ANO6: variants seen among roughly 807,000 people sequenced by gnomAD.
The protein encoded by ANO6 is anoctamin-6.
Under a neutral mutation model 117.5 loss-of-function variants are expected in ANO6, and 106 were observed. The ratio of observed to expected loss-of-function variants is 0.90; its 90% CI spans 0.77 to 1.06. The LOEUF is 1.06. Among genes scored for constraint, ANO6 ranks in the 50% least tolerant of loss-of-function variants. The pLI is 0.00. For missense variants in ANO6, 955 were observed against 1,121.1 expected, an observed-to-expected ratio of 0.85 and a Z score of 2.12; for synonymous variants, 367 against 385.1, an observed-to-expected ratio of 0.95 and a Z score of 0.55.
At chr12:45,290,630 G>T (rs1309330630) in intron 1 of ANO6, among the ~76,000 whole-genome samples, 7 of 152,148 alleles carry the variant, frequency 4.6e-5, no homozygotes, top group African/African-American at 1.7e-4. Context: ...AATTAATACT[G>T]TTTGCCATTT....
At chr12:45,311,672 A>T (rs186821388) in intron 2 of ANO6, among the ~76,000 whole-genome samples, 4 of 152,062 alleles carry the variant, frequency 2.6e-5, no homozygotes, top group Admixed American at 6.6e-5. Flanking sequence ...ATTTCAGTAG[A>T]AAGATTTTGT....
At chr12:45,346,563 C>T (rs1941137558) in intron 3 of ANO6, among the ~76,000 whole-genome samples, 1 of 152,130 alleles carries the variant, frequency 6.6e-6, no homozygotes, top group Non-Finnish European at 1.5e-5. Flanking sequence ...AGGGATGACG[C>T]ATACACATCC....
chr12:45,338,982 G>A (rs1032807375), intron 3 of ANO6, among the ~76,000 whole-genome samples: 6 of 152,070 alleles, frequency 3.9e-5, no homozygotes, highest in African/African-American at 1.2e-4. Context: ...GAATGAAGAG[G>A]CTGTCATTTA....
At chr12:45,315,449 G>C (rs947219637) in intron 2 of ANO6, among the ~76,000 whole-genome samples, 1 of 151,828 alleles carries the variant, frequency 6.6e-6, no homozygotes, top group Admixed American at 6.6e-5. Flanking sequence ...AGGGAGAAGC[G>C]AATCAAAGAT....
chr12:45,296,488 G>T (rs551042730), intron 1 of ANO6, among the ~76,000 whole-genome samples: 1 of 152,008 alleles, frequency 6.6e-6, no homozygotes, highest in Non-Finnish European at 1.5e-5. Context: ...TTCTAATTGC[G>T]AATGCTATAT....
chr12:45,343,573 T>C (rs1941041651), intron 3 of ANO6, among the ~76,000 whole-genome samples: 1 of 152,202 alleles, frequency 6.6e-6, no homozygotes, highest in African/African-American at 2.4e-5. Flanking sequence ...TTTTCCCTAG[T>C]TTGCAACCAC....
At chr12:45,307,255 C>A (rs1403954889) in intron 2 of ANO6, among the ~76,000 whole-genome samples, 1 of 152,052 alleles carries the variant, frequency 6.6e-6, no homozygotes, top group African/African-American at 2.4e-5. Context: ...AGAGCAGGGG[C>A]AGAGAGACCT....
chr12:45,250,538 A>G (rs1217757040), intron 1 of ANO6, among the ~76,000 whole-genome samples: 1 of 151,988 alleles, frequency 6.6e-6, no homozygotes, highest in Non-Finnish European at 1.5e-5. Flanking sequence ...GAGTATAGGT[A>G]TATGCCACCA....
chr12:45,232,950 A>C (rs879885127), intron 1 of ANO6, among the ~76,000 whole-genome samples: 6 of 152,178 alleles, frequency 3.9e-5, no homozygotes, highest in Non-Finnish European at 8.8e-5. Context: ...GGAGGAAGAA[A>C]GAGAGGGAGC....
intron 1 of ANO6, chr12:45,293,075 TTGTG>T (rs1193359746): frequency 8.0e-7 from 1 of 1,249,826 alleles, no homozygotes; most frequent in African/African-American, 1.5e-5. Context: ...TTAGTCTGCT[TTGTG>T]TGTGTGTCAC....
chr12:45,340,754 T>A (rs370135139), intron 3 of ANO6, among the ~76,000 whole-genome samples: 26 of 152,178 alleles, frequency 1.7e-4, no homozygotes, highest in African/African-American at 4.8e-4. Context: ...TCTACCCTAA[T>A]TTTTTAAATG....
At chr12:45,339,260 CCCATACATGCTGAGTCAGTACTTCCA>C (rs1940911859) in intron 3 of ANO6, among the ~76,000 whole-genome samples, 1 of 152,010 alleles carries the variant, frequency 6.6e-6, no homozygotes, top group African/African-American at 2.4e-5. Context: ...CAGGCCCCAT[CCCATACATGCTGAGTCAGTACTTCCA>C]GGGGAGAGGT....
intron 1 of ANO6, among the ~76,000 whole-genome samples, chr12:45,260,963 T>C (rs1424132787): frequency 7.3e-6 from 1 of 137,274 alleles, no homozygotes. Flanking sequence ...GTTTTTTTTG[T>C]TTGTTTGTTT....
In ANO6 at chr12:45,421,321, G is replaced by GT. The variant is rs778888093; in HGVS notation, c.2420+53dup. On this transcript the variant is annotated intron_variant, in intron 18 of 19. Transcript: ENST00000320560. ...AAAAATGCACTTCATCTTTAAAAGG[G>GT]TTTTTCTTGTGACTTAATTCTGTTT... 1.9e-6 allele frequency: 3 copies of GT among 1,567,062 alleles called. No individual in the cohort carries two copies. The East Asian group carries it at 6.8e-5, about 35-fold the overall frequency.
chr12:45,262,267 A>G lies in ANO6; in HGVS notation c.71-39747A>G, dbSNP rs562090469. On this transcript the variant is annotated intron_variant, in intron 1 of 19. Transcript: ENST00000320560. ...CCTATGGTATCCTGCCTTTTCACTT[A>G]ACTTGCCTCATAAGCACTCTCTGTT... Among the ~76,000 whole-genome samples, 5 of 152,302 alleles carry G rather than the reference A, an allele frequency of 3.3e-5. No individual in the cohort carries two copies. In the South Asian group the frequency reaches 1.0e-3, roughly 32 times the overall value.
In ANO6 at chr12:45,421,189, C is replaced by T. The variant is rs893688830; in HGVS notation, c.2336C>T (p.Thr779Ile). 6.2e-7 allele frequency: 1 copy of T among 1,614,210 alleles called. No homozygotes were observed. The highest frequency in any genetic ancestry group is 8.5e-7 in the Non-Finnish European group (1 of 1,180,030). ...ACCATGGAAGGGTACATCAACAACACTCTCTCCATCTTCAAAGTCGCAGAC... is the reference window on the plus strand; with the variant it reads ...ACCATGGAAGGGTACATCAACAACATTCTCTCCATCTTCAAAGTCGCAGAC... Reference protein sequence around the residue: ...SYTMEGYINNTLSIFKVADFK... With the variant: ...SYTMEGYINNILSIFKVADFK... The change falls in exon 18 of 20, where the codon ACT becomes ATT. Residue 779 changes from threonine (T) to isoleucine (I), a missense_variant. Coordinates refer to ENST00000320560, the MANE Select transcript of ANO6 (RefSeq NM_001025356.3).
chr12:45,331,231 C>T, intron 2 of ANO6, 64 bp from the exon 3 acceptor site: 1 of 1,406,592 alleles, frequency 7.1e-7, no homozygotes. Context: ...TGAAAATTAA[C>T]ACTTATAAGT....
chr12:45,265,198 G>T (rs1431455378), intron 1 of ANO6, among the ~76,000 whole-genome samples: 1 of 152,132 alleles, frequency 6.6e-6, no homozygotes, highest in Non-Finnish European at 1.5e-5. Flanking sequence ...TAAAAGCAAC[G>T]TAAAGTTGAT....
chr12:45,326,923 G>C (rs1216173733), intron 2 of ANO6, among the ~76,000 whole-genome samples: 1 of 152,170 alleles, frequency 6.6e-6, no homozygotes, highest in African/African-American at 2.4e-5. Flanking sequence ...CTCAGGTTGA[G>C]TGCTTACCTT....
Sources: gnomAD v4.1 joint callset for allele counts (sites outside exome capture counted in the v4.1 genomes callset) on GRCh38, gnomAD v4.1.1 for gene constraint, MANE v1.5 for transcripts, NCBI Gene and HGNC (gene_info 2026-07-23, HGNC 2026-07-21) for gene names.